Variants in ANKRD30B observed in about 807,000 individuals in gnomAD.
ANKRD30B encodes ankyrin repeat domain 30B, also known as ankyrin repeat domain-containing protein 30B.
In ANKRD30B, 144 loss-of-function variants were observed where a neutral mutation model predicts 202.2. The ratio of observed to expected loss-of-function variants is 0.71; its 90% CI spans 0.62 to 0.82. The LOEUF (loss-of-function observed/expected upper bound fraction) is 0.82. ANKRD30B is among the 40% of genes least tolerant of loss of function. The probability of loss-of-function intolerance (pLI) is 0.00; values close to 1 mark genes in which losing one functional copy is unlikely to be tolerated. For synonymous variants in ANKRD30B, 508 were observed against 561.3 expected (o/e 0.91, Z 1.34); for missense variants, 1,487 against 1,669.1 (o/e 0.89, Z 1.90).
chr18:14,889,946 A>C, the ANKRD30B span: 1 of 694,606 alleles, frequency 1.4e-6, no homozygotes, highest in Non-Finnish European at 2.5e-6. Flanking sequence ...TTCGACAAAA[A>C]TGAGTTTTAA....
chr18:14,865,417 C>G, the ANKRD30B span, among the ~76,000 whole-genome samples: 1 of 151,246 alleles, frequency 6.6e-6, no homozygotes, highest in Middle Eastern at 3.2e-3. Flanking sequence ...AATCTTTTTA[C>G]CTACAGTCTT....
At chr18:14,897,660 A>T in the ANKRD30B span, among the ~76,000 whole-genome samples, 1 of 152,160 alleles carries the variant, frequency 6.6e-6, no homozygotes, top group Non-Finnish European at 1.5e-5. Flanking sequence ...TTTTACTGTC[A>T]CTATCAATAT....
intron 29 of ANKRD30B, 35 bp from the exon 30 acceptor site, chr18:14,814,586 C>G: frequency 1.6e-6 from 2 of 1,241,382 alleles, no homozygotes; most frequent in African/African-American, 1.8e-5. Flanking sequence ...TGGGATTTCT[C>G]CATTGAAATT....
intron 1 of ANKRD30B, among the ~76,000 whole-genome samples, chr18:14,750,174 A>ATG (rs971563872): frequency 5.3e-5 from 8 of 151,936 alleles, no homozygotes; most frequent in East Asian, 1.9e-4. Flanking sequence ...CTACTCATGT[A>ATG]TGTGTGTGTG....
chr18:14,817,160 C>T (rs1274973268), intron 30 of ANKRD30B: 7 of 152,140 alleles, frequency 4.6e-5, no homozygotes, highest in African/African-American at 1.7e-4. Flanking sequence ...TCAAAAGCAA[C>T]ATAAATATAA....
chr18:14,783,216 G>C (rs1030999804), intron 12 of ANKRD30B, among the ~76,000 whole-genome samples: 3 of 152,098 alleles, frequency 2.0e-5, no homozygotes, highest in African/African-American at 7.2e-5. Flanking sequence ...TATACAGTCA[G>C]TATAGACCAA....
the ANKRD30B span, among the ~76,000 whole-genome samples, chr18:14,867,955 T>G: frequency 6.6e-6 from 1 of 152,184 alleles, no homozygotes; most frequent in African/African-American, 2.4e-5. Context: ...ATGAAGGAGG[T>G]GTCCCCTGTG....
the ANKRD30B span, among the ~76,000 whole-genome samples, chr18:14,918,629 G>A: frequency 1.6e-4 from 24 of 152,172 alleles, no homozygotes; most frequent in East Asian, 1.2e-3. Context: ...GGAATGCAGT[G>A]GAGGACAACA....
chr18:14,759,096 G>A (rs922398528), intron 5 of ANKRD30B: 1 of 152,132 alleles, frequency 6.6e-6, no homozygotes, highest in African/African-American at 2.4e-5. Flanking sequence ...GCATTCAATA[G>A]ACTTCACTCT....
At chr18:14,898,736 G>A in the ANKRD30B span, among the ~76,000 whole-genome samples, 2 of 152,234 alleles carry the variant, frequency 1.3e-5, no homozygotes, top group Admixed American at 1.3e-4. Flanking sequence ...TTTTCAGGTG[G>A]TTCATTACAT....
chr18:14,898,512 C>T, the ANKRD30B span, among the ~76,000 whole-genome samples: 2 of 152,142 alleles, frequency 1.3e-5, no homozygotes, highest in Admixed American at 6.5e-5. Flanking sequence ...TAACAGGCCA[C>T]GGACCAGTAC....
At chr18:14,922,659 A>G in the ANKRD30B span, among the ~76,000 whole-genome samples, 3 of 151,184 alleles carry the variant, frequency 2.0e-5, no homozygotes, top group African/African-American at 7.3e-5. Context: ...CGTCTCAAAA[A>G]AAAAAAAAAA....
chr18:14,759,925 A>G (rs1366800554), intron 5 of ANKRD30B, among the ~76,000 whole-genome samples: 1 of 152,200 alleles, frequency 6.6e-6, no homozygotes, highest in Non-Finnish European at 1.5e-5. Context: ...TATTTTTTGT[A>G]GAGACAGGGT....
At chr18:14,827,992 C>A (rs1247022367) in intron 32 of ANKRD30B, among the ~76,000 whole-genome samples, 1 of 152,176 alleles carries the variant, frequency 6.6e-6, no homozygotes. Context: ...TGCTTTGTAA[C>A]AAATCATCTG....
chr18:14,863,864 G>A, the ANKRD30B span, among the ~76,000 whole-genome samples: 1 of 149,974 alleles, frequency 6.7e-6, no homozygotes, highest in Admixed American at 6.7e-5. Context: ...TCAACAAAAT[G>A]CTAGCAAACC....
the ANKRD30B span, among the ~76,000 whole-genome samples, chr18:14,867,072 C>T: frequency 7.6e-4 from 104 of 136,178 alleles, 1 homozygote; most frequent in African/African-American, 2.6e-3. Context: ...GTACCCCGGG[C>T]GTTCACTGCC....
At position 14,810,000 on chromosome 18, in the gene ANKRD30B, G is replaced by C. The variant is rs760363270; in HGVS notation, c.2401G>C (p.Asp801His). 9.1e-6 allele frequency: 13 copies of C among 1,428,810 alleles called. No homozygotes were observed. In the African/African-American group the frequency reaches 1.7e-4, roughly 19 times the overall value. 88.5% of individuals were successfully genotyped at this position (1,428,810 alleles called of 1,614,324 possible). A position where few individuals can be genotyped will look rare whatever the true frequency, so the allele number is the denominator to read the frequency against. Residue 801 changes from aspartate (D) to histidine (H), a missense_variant, in exon 27 of 44, where the codon GAT (aspartate) becomes CAT (histidine). Physicochemically the swap from Asp to His is moderately conservative, Grantham distance 81. Around this residue, in one of 6 missense-constraint regions of ANKRD30B, gnomAD observed 218 missense variants for 320.1 expected, o/e 0.68. Transcript: ENST00000690538. ...TTTTCTTTTAGAGTCTCCTGATAAAGATGGTCTTCTGAAGGTAATAACTTT... is the reference window on the plus strand; with the variant it reads ...TTTTCTTTTAGAGTCTCCTGATAAACATGGTCTTCTGAAGGTAATAACTTT... ...ETLKAESPDKDGLLKPTCVRK... is the reference protein window; with the variant it reads ...ETLKAESPDKHGLLKPTCVRK...
chr18:14,752,990 C>A lies in ANKRD30B; in HGVS notation c.488C>A (p.Ala163Glu), dbSNP rs1913714082. 6.3e-7 allele frequency: 1 copy of A among 1,598,822 alleles called. No homozygotes were observed. The highest frequency in any genetic ancestry group is 1.1e-5 in the South Asian group (1 of 89,032). Residue 163 changes from alanine (A) to glutamate (E), a missense_variant, in exon 3 of 44, where the codon GCA becomes GAA. Around this residue, in one of 6 missense-constraint regions of ANKRD30B, gnomAD observed 889 missense variants for 841.4 expected, o/e 1.06. Transcript: ENST00000690538. ...GTGGCAACACTGCTGTCCTATGGTG[C>A]AGTCATCGAGGTGCAAAACAAGGTA... is the stretch of plus-strand genomic sequence containing the variant. ...LMVATLLSYG[A>E]VIEVQNKASL...
chr18:14,900,154 C>A, the ANKRD30B span, among the ~76,000 whole-genome samples: 1 of 152,124 alleles, frequency 6.6e-6, no homozygotes, highest in African/African-American at 2.4e-5. Flanking sequence ...GGTCCACATA[C>A]AATTGCTTAA....
Sources: gnomAD v4.1 joint callset for allele counts (sites outside exome capture counted in the v4.1 genomes callset) on GRCh38, gnomAD v4.1.1 for gene constraint, gnomAD v4.1.1 regional missense constraint, MANE v1.5 for transcripts, NCBI Gene and HGNC (gene_info 2026-07-23, HGNC 2026-07-21) for gene names.